The following AFAP1 variants were observed in gnomAD, a reference collection of about 807,000 sequenced individuals.
AFAP1 encodes actin filament-associated protein 1.
AFAP1 carries 75 observed loss-of-function variants against 93.9 expected under a neutral mutation model. The ratio of observed to expected loss-of-function variants is 0.80; its 90% CI spans 0.66 to 0.97. The LOEUF (loss-of-function observed/expected upper bound fraction) is 0.97, where lower values mean the gene tolerates loss of function less well. AFAP1 is among the 50% of genes least tolerant of loss of function. The pLI is 0.00. For synonymous variants in AFAP1, 517 were observed against 430.7 expected (o/e 1.20, Z -2.48); for missense variants, 1,201 against 1,050.8 (o/e 1.14, Z -1.98).
intron 1 of AFAP1, among the ~76,000 whole-genome samples, chr4:7,877,223 C>T (rs1188932926): frequency 6.6e-6 from 1 of 152,208 alleles, no homozygotes; most frequent in Non-Finnish European, 1.5e-5. Context: ...GCACAGAAAG[C>T]ATGCAAAGGT....
rs75877781 is a variant in AFAP1, at chr4:7,806,893, G to T, written c.1054+2721C>A. Reference sequence around the variant, plus strand: ...TTCCAAGAAAGTGCCCAAGAAGAGGGTTTACCGCAGTGTCTAGTCACCAGC... The same window carrying T: ...TTCCAAGAAAGTGCCCAAGAAGAGGTTTTACCGCAGTGTCTAGTCACCAGC... On this transcript the variant is annotated intron_variant, in intron 9 of 17. Coordinates refer to ENST00000420658, the MANE Select transcript of AFAP1 (RefSeq NM_001134647.2). 9.6e-3 allele frequency among the ~76,000 whole-genome samples: 1,454 copies of T among 151,284 alleles called. 30 individuals are homozygous for T. Among genetic ancestry groups the T allele is most frequent in the African/African-American group, 0.03 (1,253 of 41,480 alleles).
chr4:7,866,966 G>T (rs1716469423), intron 3 of AFAP1, among the ~76,000 whole-genome samples: 1 of 151,282 alleles, frequency 6.6e-6, no homozygotes. Context: ...TTGAGTCCAA[G>T]ATGTTGAGGC....
chr4:7,881,640 G>A (rs567386224), intron 1 of AFAP1, among the ~76,000 whole-genome samples: 3 of 152,150 alleles, frequency 2.0e-5, no homozygotes, highest in East Asian at 1.9e-4. Context: ...AAAATTAGCC[G>A]GGCATGGTGG....
At chr4:7,892,453 G>A (rs925048554) in intron 1 of AFAP1, among the ~76,000 whole-genome samples, 3 of 152,164 alleles carry the variant, frequency 2.0e-5, no homozygotes, top group Non-Finnish European at 4.4e-5. Flanking sequence ...AGGAGACACT[G>A]GGGGAGGGGC....
At chr4:7,910,721 G>A (rs1048883471) in intron 1 of AFAP1, among the ~76,000 whole-genome samples, 1 of 152,214 alleles carries the variant, frequency 6.6e-6, no homozygotes, top group Non-Finnish European at 1.5e-5. Flanking sequence ...TGACTCCAGC[G>A]TCCACTCACT....
chr4:7,834,488 T>C (rs1325725870), intron 6 of AFAP1, among the ~76,000 whole-genome samples: 1 of 152,228 alleles, frequency 6.6e-6, no homozygotes, highest in Admixed American at 6.5e-5. Flanking sequence ...AAACACCACC[T>C]GTTCCCCAAT....
intron 8 of AFAP1, among the ~76,000 whole-genome samples, chr4:7,813,670 G>A (rs557894765): frequency 3.0e-4 from 46 of 152,328 alleles, no homozygotes; most frequent in South Asian, 4.1e-4. Context: ...CACATAATGT[G>A]TGCCCTGTGG....
At chr4:7,815,629 T>C (rs531556934) in intron 8 of AFAP1, among the ~76,000 whole-genome samples, 2 of 152,154 alleles carry the variant, frequency 1.3e-5, no homozygotes, top group African/African-American at 4.8e-5. Flanking sequence ...GTTTCTTGCC[T>C]CATTATCCAA....
chr4:7,785,444 C>T (rs961695556), intron 12 of AFAP1, among the ~76,000 whole-genome samples: 2 of 152,166 alleles, frequency 1.3e-5, no homozygotes, highest in East Asian at 1.9e-4. Flanking sequence ...GGTAAGCTGT[C>T]GAATTTGTAA....
chr4:7,895,363 G>A (rs1437774785), intron 1 of AFAP1, among the ~76,000 whole-genome samples: 5 of 152,086 alleles, frequency 3.3e-5, no homozygotes, highest in African/African-American at 1.2e-4. Flanking sequence ...AATTACTACG[G>A]TCATTATCAG....
At chr4:7,922,246 C>A (rs10049998) in intron 1 of AFAP1, among the ~76,000 whole-genome samples, 135,131 of 152,300 alleles carry the variant, frequency 0.89, 60,162 homozygotes, top group African/African-American at 0.96. Context: ...GACTATAGTA[C>A]ATATTTTCAA....
intron 1 of AFAP1, among the ~76,000 whole-genome samples, chr4:7,911,621 A>G (rs1036310910): frequency 1.2e-4 from 19 of 152,126 alleles, no homozygotes; most frequent in Non-Finnish European, 2.2e-4. Context: ...TAAGAAATGG[A>G]GTTTCTGAGT....
At chr4:7,798,771 C>A (rs1381293011) in intron 10 of AFAP1, 5 of 474,140 alleles carry the variant, frequency 1.1e-5, no homozygotes, top group Middle Eastern at 1.0e-3. Flanking sequence ...AGCTACTGTG[C>A]CCCCAGCAAT....
intron 6 of AFAP1, among the ~76,000 whole-genome samples, chr4:7,821,537 G>A (rs144470177): frequency 6.1e-4 from 93 of 152,192 alleles, no homozygotes; most frequent in African/African-American, 2.0e-3. Context: ...GTGATCACGG[G>A]GGACGTGCAG....
intron 1 of AFAP1, among the ~76,000 whole-genome samples, chr4:7,878,645 G>A (rs535924534): frequency 1.3e-5 from 2 of 152,312 alleles, no homozygotes; most frequent in Admixed American, 1.3e-4. Flanking sequence ...TCCAGCTACC[G>A]TTAAGTACTG....
rs561488753 is a variant in AFAP1, at chr4:7,905,834, G to C, written c.-2-33754C>G. Among the ~76,000 whole-genome samples the C allele has an allele frequency of 4.6e-5, 7 of 152,328 alleles. No individual in the cohort carries two copies. In the South Asian group the frequency reaches 1.4e-3, roughly 32 times the overall value. ...GCATCCATACCCCGTCCCATTTCTA[G>C]AACAACGATGCTGAGTCAGTAACAT... On this transcript the variant is annotated intron_variant, in intron 1 of 17. Transcript: ENST00000420658.
At chr4:7,793,059 G>T (rs1384679536) in intron 11 of AFAP1, among the ~76,000 whole-genome samples, 3 of 152,110 alleles carry the variant, frequency 2.0e-5, no homozygotes, top group African/African-American at 7.2e-5. Context: ...ATCTCCAGGG[G>T]TTCTGTGGAC....
intron 1 of AFAP1, among the ~76,000 whole-genome samples, chr4:7,931,317 C>T (rs1309287879): frequency 2.0e-5 from 3 of 152,138 alleles, no homozygotes; most frequent in African/African-American, 7.2e-5. Context: ...TACACCTTTG[C>T]TAAAAATGAG....
chr4:7,826,818 T>A (rs1721464875), intron 6 of AFAP1, among the ~76,000 whole-genome samples: 3 of 152,108 alleles, frequency 2.0e-5, no homozygotes, highest in Admixed American at 6.5e-5. Context: ...GGCACACCCT[T>A]CTCCAGGGAA....
Sources: allele counts gnomAD v4.1 joint callset (sites outside exome capture counted in the v4.1 genomes callset), GRCh38; gene constraint gnomAD v4.1.1; transcripts MANE v1.5; gene names NCBI Gene and HGNC (gene_info 2026-07-23, HGNC 2026-07-21).